Variants in ATE1 observed in about 807,000 individuals in gnomAD.
ATE1 encodes the protein arginyltransferase 1, also known as arginyl-tRNA--protein transferase 1.
A neutral mutation model predicts 70.5 loss-of-function variants in ATE1; 36 were observed. The observed-to-expected ratio is 0.51, with a 90% CI of 0.39 to 0.67. The LOEUF (loss-of-function observed/expected upper bound fraction) is 0.67, where lower values mean the gene tolerates loss of function less well. Among genes scored for constraint, ATE1 ranks in the 30% least tolerant of loss-of-function variants. The probability of loss-of-function intolerance (pLI) is 0.00; values close to 1 mark genes in which losing one functional copy is unlikely to be tolerated. For synonymous variants in ATE1, 232 were observed against 219.3 expected (o/e 1.06, Z -0.51); for missense variants, 593 against 629.5 (o/e 0.94, Z 0.62).
chr10:121,790,103 G>C (rs1590305381), intron 11 of ATE1, 66 bp downstream of exon 11: 1 of 1,601,006 alleles, frequency 6.2e-7, no homozygotes, highest in East Asian at 2.2e-5. Context: ...AAGAGCCACA[G>C]CCACACACAC....
intron 8 of ATE1, among the ~76,000 whole-genome samples, chr10:121,863,588 G>A (rs368573876): frequency 5.9e-5 from 9 of 151,978 alleles, no homozygotes; most frequent in African/African-American, 2.2e-4. Flanking sequence ...CAGCCACTCT[G>A]ACTTAAAATT....
chr10:121,780,004 C>T (rs1945914379), intron 11 of ATE1, among the ~76,000 whole-genome samples: 2 of 152,196 alleles, frequency 1.3e-5, no homozygotes, highest in Admixed American at 1.3e-4. Flanking sequence ...TCATTATATG[C>T]TGGGCCCTTG....
chr10:121,785,681 C>T (rs948059032), intron 11 of ATE1, among the ~76,000 whole-genome samples: 8 of 152,074 alleles, frequency 5.3e-5, no homozygotes, highest in Admixed American at 2.0e-4. Flanking sequence ...ACACTAGGTA[C>T]GAGCTTCTTT....
At chr10:121,858,070 T>C (rs1259297139) in intron 8 of ATE1, among the ~76,000 whole-genome samples, 1 of 152,240 alleles carries the variant, frequency 6.6e-6, no homozygotes, top group Non-Finnish European at 1.5e-5. Context: ...TGTACCATTT[T>C]GTTTATCCAT....
chr10:121,866,229 A>G (rs984170301), intron 8 of ATE1, among the ~76,000 whole-genome samples: 2 of 152,182 alleles, frequency 1.3e-5, no homozygotes, highest in African/African-American at 4.8e-5. Flanking sequence ...GGTAGCTGCC[A>G]CTAACTTAAG....
chr10:121,856,109 T>C (rs1039801005), intron 8 of ATE1, among the ~76,000 whole-genome samples: 1 of 148,796 alleles, frequency 6.7e-6, no homozygotes, highest in Non-Finnish European at 1.5e-5. Flanking sequence ...CAGGTATATA[T>C]AACCAAGGTA....
At chr10:121,777,391 C>T (rs1014928901) in intron 11 of ATE1, among the ~76,000 whole-genome samples, 1 of 152,090 alleles carries the variant, frequency 6.6e-6, no homozygotes, top group African/African-American at 2.4e-5. Context: ...TCCAATATCC[C>T]TAAGATTTGA....
intron 8 of ATE1, among the ~76,000 whole-genome samples, chr10:121,858,223 T>C (rs1206590563): frequency 6.6e-6 from 1 of 152,218 alleles, no homozygotes; most frequent in African/African-American, 2.4e-5. Context: ...ATGGTAATTC[T>C]ACTTTTAATG....
At chr10:121,853,333 G>A (rs1177657268) in intron 8 of ATE1, among the ~76,000 whole-genome samples, 1 of 136,350 alleles carries the variant, frequency 7.3e-6, no homozygotes, top group Non-Finnish European at 1.5e-5. Context: ...CACTGATCCA[G>A]CCTGGGGAAC....
intron 3 of ATE1, among the ~76,000 whole-genome samples, chr10:121,919,518 A>G (rs1440415704): frequency 6.6e-6 from 1 of 151,962 alleles, no homozygotes; most frequent in Non-Finnish European, 1.5e-5. Context: ...CCGAGATAGC[A>G]CCACTGCACT....
chr10:121,916,304 C>T (rs1336311573), intron 3 of ATE1, among the ~76,000 whole-genome samples: 1 of 152,122 alleles, frequency 6.6e-6, no homozygotes, highest in Non-Finnish European at 1.5e-5. Flanking sequence ...GTATGAGGAT[C>T]AGAATATCAC....
At chr10:121,906,208 A>G (rs1193927752) in intron 5 of ATE1, among the ~76,000 whole-genome samples, 1 of 152,198 alleles carries the variant, frequency 6.6e-6, no homozygotes, top group African/African-American at 2.4e-5. Flanking sequence ...AGCCTGGGCA[A>G]CATAGCAAGA....
At chr10:121,848,284 GTTCA>G (rs59186969) in intron 8 of ATE1, among the ~76,000 whole-genome samples, 5,516 of 150,148 alleles carry the variant, frequency 0.037, 176 homozygotes, top group African/African-American at 0.088. Context: ...TCTAATGTGC[GTTCA>G]TTCATTCATT....
At chr10:121,904,802 A>G (rs1346840010) in intron 5 of ATE1, among the ~76,000 whole-genome samples, 1 of 152,198 alleles carries the variant, frequency 6.6e-6, no homozygotes, top group African/African-American at 2.4e-5. Flanking sequence ...CCATAAGCTG[A>G]TCAAATGAAA....
In ATE1 at chr10:121,767,568, T is replaced by C. The variant is rs78361261; in HGVS notation, c.1378+22601A>G. Among the ~76,000 whole-genome samples, 684 of 152,300 alleles carry C rather than the reference T, an allele frequency of 4.5e-3. 7 individuals carry two copies. Among genetic ancestry groups the C allele is most frequent in the African/African-American group, 0.015 (609 of 41,564 alleles). ...GATCACCACATAGAAACTAGCTGCATTGCAATCACATCTGATAAAATTAAT... is the reference window on the plus strand; with the variant it reads ...GATCACCACATAGAAACTAGCTGCACTGCAATCACATCTGATAAAATTAAT... On this transcript the variant is annotated intron_variant, in intron 11 of 11. Transcript: ENST00000224652.
At chr10:121,759,500 G>A (rs1024603925) in intron 11 of ATE1, among the ~76,000 whole-genome samples, 6 of 152,122 alleles carry the variant, frequency 3.9e-5, no homozygotes, top group Admixed American at 3.3e-4. Context: ...GAGGCAGGTG[G>A]ATCACAAGGT....
intron 5 of ATE1, 137 bp from the exon 6 acceptor site, chr10:121,902,757 T>C: frequency 1.2e-6 from 1 of 848,634 alleles, no homozygotes; most frequent in Non-Finnish European, 1.8e-6. Context: ...TTTCAGAGGA[T>C]CCTGATACAG....
intron 7 of ATE1, among the ~76,000 whole-genome samples, chr10:121,873,710 C>T (rs917461305): frequency 2.0e-5 from 3 of 150,448 alleles, no homozygotes; most frequent in African/African-American, 7.3e-5. Flanking sequence ...AAAAAAGGTA[C>T]CAGAAAAATG....
At chr10:121,804,464 T>C (rs1356715940) in intron 10 of ATE1, among the ~76,000 whole-genome samples, 2 of 152,186 alleles carry the variant, frequency 1.3e-5, no homozygotes, top group Admixed American at 1.3e-4. Context: ...CTGAAAATAG[T>C]TTAATAAAAT....
Sources: allele counts gnomAD v4.1 joint callset (sites outside exome capture counted in the v4.1 genomes callset), GRCh38; gene constraint gnomAD v4.1.1; transcripts MANE v1.5; gene names NCBI Gene and HGNC (gene_info 2026-07-23, HGNC 2026-07-21).